The following SYNDIG1 variants were observed in gnomAD, a reference collection of about 807,000 sequenced individuals.
SYNDIG1 encodes the protein synapse differentiation inducing 1.
Under a neutral mutation model 19.4 loss-of-function variants are expected in SYNDIG1, and 9 were observed. The ratio of observed to expected loss-of-function variants is 0.46; its 90% CI spans 0.28 to 0.81. SYNDIG1 has a LOEUF of 0.81. Among genes scored for constraint, SYNDIG1 ranks in the 30% least tolerant of loss-of-function variants. The probability of loss-of-function intolerance (pLI) is 0.12; values close to 1 mark genes in which losing one functional copy is unlikely to be tolerated. For missense variants in SYNDIG1, 311 were observed against 343.3 expected, an observed-to-expected ratio of 0.91 and a Z score of 0.74; for synonymous variants, 141 against 145.9, an observed-to-expected ratio of 0.97 and a Z score of 0.24.
At chr20:24,591,375 C>A (rs2058509752) in intron 3 of SYNDIG1, among the ~76,000 whole-genome samples, 1 of 151,834 alleles carries the variant, frequency 6.6e-6, no homozygotes, top group Non-Finnish European at 1.5e-5. Flanking sequence ...GCCTGAGTGA[C>A]AGAATGGGAC....
At chr20:24,544,624 CAGA>C (rs1320496943) in intron 2 of SYNDIG1, among the ~76,000 whole-genome samples, 1 of 151,920 alleles carries the variant, frequency 6.6e-6, no homozygotes, top group Admixed American at 6.6e-5. Context: ...GCTGGCCTCT[CAGA>C]AGAAGTCCAC....
At chr20:24,515,241 C>A (rs1342393928) in intron 1 of SYNDIG1, among the ~76,000 whole-genome samples, 2 of 152,082 alleles carry the variant, frequency 1.3e-5, no homozygotes, top group Admixed American at 6.6e-5. Flanking sequence ...CAAACACATT[C>A]AAAAGCTAGC....
intron 3 of SYNDIG1, among the ~76,000 whole-genome samples, chr20:24,609,945 C>T (rs962519603): frequency 5.3e-5 from 8 of 152,120 alleles, no homozygotes; most frequent in African/African-American, 1.7e-4. Context: ...CCCTATGTTC[C>T]CAGGCCCATC....
At chr20:24,583,399 G>A (rs951145134) in intron 2 of SYNDIG1, among the ~76,000 whole-genome samples, 8 of 152,250 alleles carry the variant, frequency 5.3e-5, no homozygotes, top group African/African-American at 1.7e-4. Context: ...GCTTGCGGCA[G>A]GAGGCCTCTG....
chr20:24,591,802 C>T (rs1009896867), intron 3 of SYNDIG1, among the ~76,000 whole-genome samples: 5 of 152,180 alleles, frequency 3.3e-5, no homozygotes, highest in Non-Finnish European at 7.3e-5. Flanking sequence ...GATTCGGTGC[C>T]CCCACCATCA....
intron 1 of SYNDIG1, among the ~76,000 whole-genome samples, chr20:24,471,064 C>G (rs943700106): frequency 6.6e-6 from 1 of 152,098 alleles, no homozygotes; most frequent in African/African-American, 2.4e-5. Flanking sequence ...CTGTCCGTCT[C>G]CCTCCTACAG....
chr20:24,517,436 A>G (rs1600498810), intron 1 of SYNDIG1, among the ~76,000 whole-genome samples: 1 of 150,572 alleles, frequency 6.6e-6, no homozygotes, highest in East Asian at 2.0e-4. Context: ...TAACACGGTG[A>G]AACCCCATCT....
intron 3 of SYNDIG1, among the ~76,000 whole-genome samples, chr20:24,651,530 C>T (rs769427532): frequency 8.5e-5 from 13 of 152,112 alleles, no homozygotes; most frequent in African/African-American, 1.9e-4. Context: ...GTTGTTTTCA[C>T]GTATATTTAA....
chr20:24,546,484 G>A (rs1173992892), intron 2 of SYNDIG1, among the ~76,000 whole-genome samples: 1 of 152,200 alleles, frequency 6.6e-6, no homozygotes, highest in Non-Finnish European at 1.5e-5. Context: ...TGATAGGCTG[G>A]GAAGCCAGCC....
At chr20:24,619,128 C>T (rs1047721911) in intron 3 of SYNDIG1, among the ~76,000 whole-genome samples, 4 of 152,160 alleles carry the variant, frequency 2.6e-5, no homozygotes, top group Admixed American at 6.5e-5. Context: ...GGTCTTGAGT[C>T]TATCTCATTG....
At chr20:24,558,095 G>C (rs1006154648) in intron 2 of SYNDIG1, among the ~76,000 whole-genome samples, 1 of 152,204 alleles carries the variant, frequency 6.6e-6, no homozygotes, top group East Asian at 1.9e-4. Context: ...CAATCGTGAT[G>C]AATGAGGGGC....
At chr20:24,626,594 G>A (rs1460321070) in intron 3 of SYNDIG1, among the ~76,000 whole-genome samples, 1 of 151,612 alleles carries the variant, frequency 6.6e-6, no homozygotes, top group Non-Finnish European at 1.5e-5. Context: ...TTTCCAGACT[G>A]GGCAGCCAGG....
chr20:24,521,881 AAAAG>A (rs1235114248), intron 1 of SYNDIG1, among the ~76,000 whole-genome samples: 1 of 143,858 alleles, frequency 7.0e-6, no homozygotes, highest in Non-Finnish European at 1.5e-5. Context: ...GCATGGGTGA[AAAAG>A]AAAGACTCCC....
intron 3 of SYNDIG1, among the ~76,000 whole-genome samples, chr20:24,628,766 A>T (rs767742617): frequency 2.6e-5 from 4 of 152,092 alleles, no homozygotes; most frequent in Non-Finnish European, 5.9e-5. Flanking sequence ...CTTCTGCCAA[A>T]TGCATCGCGC....
rs2058390753 is a variant in SYNDIG1, at chr20:24,584,989, A to G, written c.614A>G (p.His205Arg). The G allele has an allele frequency of 3.6e-6, 5 of 1,400,690 alleles. No individual in the cohort carries two copies. Among genetic ancestry groups the G allele is most frequent in the Non-Finnish European group, 4.8e-6 (5 of 1,047,310 alleles). 86.8% of individuals were successfully genotyped at this position (1,400,690 alleles called of 1,614,324 possible). Residue 205 changes from histidine to arginine, a missense_variant, in exon 3 of 4, where the codon CAT becomes CGT. Transcript: ENST00000376862. ...GGCATCGCAGCCTTCTACTTGTCCC[A>G]TGAGGTAAGGCCTCCTTGGTCTGTC... The part of the protein sequence containing the change: ...PLGIAAFYLS[H>R]ETNKAVAKGD...
chr20:24,511,992 T>TACCCTTTTCCACAAAATGG (rs1166187181), intron 1 of SYNDIG1, among the ~76,000 whole-genome samples: 1 of 151,500 alleles, frequency 6.6e-6, no homozygotes, highest in African/African-American at 2.4e-5. Flanking sequence ...TTCCACCTTT[T>TACCCTTTTCCACAAAATGG]ACCCTTTTCC....
At chr20:24,507,339 G>A (rs2056618028) in intron 1 of SYNDIG1, among the ~76,000 whole-genome samples, 2 of 152,248 alleles carry the variant, frequency 1.3e-5, no homozygotes. Context: ...CACCAGGAAT[G>A]CCTGAACCTT....
At chr20:24,508,697 A>C (rs188360087) in intron 1 of SYNDIG1, among the ~76,000 whole-genome samples, 2 of 152,356 alleles carry the variant, frequency 1.3e-5, no homozygotes, top group Admixed American at 1.3e-4. Context: ...TAAAAACCAA[A>C]TGAGCAGGCA....
At chr20:24,487,050 G>C (rs1056131987) in intron 1 of SYNDIG1, among the ~76,000 whole-genome samples, 3 of 152,060 alleles carry the variant, frequency 2.0e-5, no homozygotes, top group Non-Finnish European at 2.9e-5. Flanking sequence ...GCCAAGGTTG[G>C]GGGGAGAGGG....
Sources: allele counts gnomAD v4.1 joint callset (sites outside exome capture counted in the v4.1 genomes callset), GRCh38; gene constraint gnomAD v4.1.1; transcripts MANE v1.5; gene names NCBI Gene and HGNC (gene_info 2026-07-23, HGNC 2026-07-21).